ARHGAP17: variants seen among roughly 807,000 people sequenced by gnomAD.
ARHGAP17 encodes the protein Rho GTPase activating protein 17, also known as rho GTPase-activating protein 17.
Under a neutral mutation model 99.5 loss-of-function variants are expected in ARHGAP17, and 57 were observed. The observed-to-expected ratio is 0.57, with a 90% CI of 0.46 to 0.71. The LOEUF is 0.71. Among genes scored for constraint, ARHGAP17 ranks in the 30% least tolerant of loss-of-function variants. The pLI is 0.00. For synonymous variants in ARHGAP17, 417 were observed against 429.6 expected (o/e 0.97, Z 0.36); for missense variants, 1,000 against 1,122.4 (o/e 0.89, Z 1.56).
chr16:24,937,757 C>T (rs1028366191), intron 17 of ARHGAP17, among the ~76,000 whole-genome samples: 7 of 152,230 alleles, frequency 4.6e-5, no homozygotes, highest in African/African-American at 1.7e-4. Context: ...CAACAAGGCT[C>T]TCCCTTGCTC....
intron 15 of ARHGAP17, 99 bp downstream of exon 15, chr16:24,943,672 G>T (rs546780499): frequency 4.8e-6 from 5 of 1,041,668 alleles, no homozygotes; most frequent in Non-Finnish European, 7.3e-6. Flanking sequence ...AACCAATTAC[G>T]TAATCATGAA....
intron 1 of ARHGAP17, among the ~76,000 whole-genome samples, chr16:25,013,002 A>T (rs1392743389): frequency 6.6e-6 from 1 of 152,168 alleles, no homozygotes; most frequent in Non-Finnish European, 1.5e-5. Flanking sequence ...ACCACAGCAG[A>T]CCCTGGGAAT....
intron 1 of ARHGAP17, among the ~76,000 whole-genome samples, chr16:24,989,245 C>T (rs926596756): frequency 3.2e-4 from 49 of 152,320 alleles, no homozygotes; most frequent in Middle Eastern, 3.4e-3. Context: ...GTTGTGCAGG[C>T]TCCCTTCCAA....
At chr16:24,951,987 G>C (rs2051657807) in intron 12 of ARHGAP17, among the ~76,000 whole-genome samples, 1 of 152,130 alleles carries the variant, frequency 6.6e-6, no homozygotes, top group South Asian at 2.1e-4. Flanking sequence ...CCCAGTTACA[G>C]GGCTTTCTTC....
At chr16:24,994,617 C>T (rs2053141908) in intron 1 of ARHGAP17, among the ~76,000 whole-genome samples, 1 of 152,208 alleles carries the variant, frequency 6.6e-6, no homozygotes, top group Non-Finnish European at 1.5e-5. Context: ...GAGCTCATAT[C>T]ACATGCTCAG....
chr16:24,954,882 G>T, intron 9 of ARHGAP17, 152 bp from the exon 10 acceptor site: 3 of 1,121,654 alleles, frequency 2.7e-6, no homozygotes, highest in Non-Finnish European at 2.5e-6. Flanking sequence ...TTTGTTATTT[G>T]CCATCTACTG....
chr16:24,985,822 G>A (rs1056232693), intron 1 of ARHGAP17, among the ~76,000 whole-genome samples: 7 of 151,730 alleles, frequency 4.6e-5, no homozygotes, highest in Non-Finnish European at 1.0e-4. Context: ...ACACACATAC[G>A]TACACACACA....
intron 7 of ARHGAP17, among the ~76,000 whole-genome samples, chr16:24,960,559 G>C (rs1304733447): frequency 6.6e-6 from 1 of 151,216 alleles, no homozygotes; most frequent in East Asian, 2.0e-4. Flanking sequence ...AAAAGGCTGG[G>C]TGTGGTGGCT....
intron 1 of ARHGAP17, 74 bp from the exon 2 acceptor site, chr16:24,979,079 AGCCT>A: frequency 8.9e-7 from 1 of 1,121,764 alleles, no homozygotes. Context: ...AATAATTATT[AGCCT>A]GGAGTTTAAA....
At chr16:24,981,656 G>A (rs986113992) in intron 1 of ARHGAP17, among the ~76,000 whole-genome samples, 4 of 152,292 alleles carry the variant, frequency 2.6e-5, no homozygotes, top group African/African-American at 4.8e-5. Context: ...TGAACCCACC[G>A]TATTTTGTGG....
intron 1 of ARHGAP17, among the ~76,000 whole-genome samples, chr16:25,005,924 G>A (rs964467573): frequency 6.6e-6 from 1 of 152,128 alleles, no homozygotes; most frequent in African/African-American, 2.4e-5. Flanking sequence ...ATCATCTTAG[G>A]AGACAACCTG....
At chr16:24,970,054 T>TAAA (rs200930789) in intron 4 of ARHGAP17, among the ~76,000 whole-genome samples, 1 of 143,272 alleles carries the variant, frequency 7.0e-6, no homozygotes, top group African/African-American at 2.6e-5. Flanking sequence ...ATGACAATTG[T>TAAA]AAAAAAAAAA....
At chr16:24,999,320 T>C (rs181408747) in intron 1 of ARHGAP17, among the ~76,000 whole-genome samples, 44 of 152,348 alleles carry the variant, frequency 2.9e-4, no homozygotes, top group African/African-American at 1.1e-3. Context: ...TTTTTTCCAA[T>C]TAGTCATCGT....
intron 2 of ARHGAP17, 106 bp downstream of exon 2, chr16:24,978,860 T>G: frequency 1.3e-6 from 1 of 749,944 alleles, no homozygotes; most frequent in Non-Finnish European, 2.0e-6. Context: ...TTATTCTGTT[T>G]CTGGTTAAAA....
In ARHGAP17 at chr16:24,931,070, A is replaced by C. The variant is rs1345354233; in HGVS notation, c.2229T>G (p.Ser743Arg). 4 of 1,605,724 alleles carry C rather than the reference A, an allele frequency of 2.5e-6. No individual in the cohort carries two copies. The highest frequency in any genetic ancestry group is 3.4e-6 in the Non-Finnish European group (4 of 1,176,010). The change falls in exon 19 of 20, where the codon AGT becomes AGG. Residue 743 changes from serine (S) to arginine (R), a missense_variant. Coordinates refer to ENST00000289968, the MANE Select transcript of ARHGAP17 (RefSeq NM_001006634.3). ...QGPPNPMALP[S>R]EHGLEQPSHT... ...GAGATGGCTGCTCAAGTCCATGCTC[A>C]CTGGGCAATGCCATGGGGTTGGGAG...
chr16:25,008,906 T>G (rs557211532), intron 1 of ARHGAP17, among the ~76,000 whole-genome samples: 1 of 152,302 alleles, frequency 6.6e-6, no homozygotes, highest in East Asian at 1.9e-4. Flanking sequence ...TCTTAACATG[T>G]AAACTACATA....
intron 12 of ARHGAP17, among the ~76,000 whole-genome samples, chr16:24,950,381 T>C (rs75074599): frequency 0.016 from 2,443 of 152,260 alleles, 62 homozygotes; most frequent in African/African-American, 0.055. Flanking sequence ...CTAACACTGA[T>C]GTTGGATTCT....
chr16:24,933,560 C>T (rs1255290010), intron 18 of ARHGAP17, among the ~76,000 whole-genome samples: 1 of 152,080 alleles, frequency 6.6e-6, no homozygotes, highest in Non-Finnish European at 1.5e-5. Context: ...ACTTTCAACC[C>T]TGGAACTCAG....
At chr16:24,938,506 G>A (rs780059050) in intron 17 of ARHGAP17, among the ~76,000 whole-genome samples, 3 of 152,192 alleles carry the variant, frequency 2.0e-5, no homozygotes, top group Non-Finnish European at 4.4e-5. Flanking sequence ...GCTCATGCCT[G>A]TAATCCCAGC....
Sources: gnomAD v4.1 joint callset for allele counts (sites outside exome capture counted in the v4.1 genomes callset) on GRCh38, gnomAD v4.1.1 for gene constraint, MANE v1.5 for transcripts, NCBI Gene and HGNC (gene_info 2026-07-23, HGNC 2026-07-21) for gene names.